The following CDH8 variants were observed in gnomAD, a reference collection of about 807,000 sequenced individuals.
The protein encoded by CDH8 is cadherin-8.
A neutral mutation model predicts 68.1 loss-of-function variants in CDH8; 17 were observed. The observed-to-expected ratio is 0.25, with a 90% CI of 0.17 to 0.37. The LOEUF is 0.37. Among genes scored for constraint, CDH8 ranks in the 10% least tolerant of loss-of-function variants. CDH8 has a pLI of 1.00. For synonymous variants in CDH8, 372 were observed against 365.1 expected, an observed-to-expected ratio of 1.02 and a Z score of -0.21; for missense variants, 763 against 999.3, an observed-to-expected ratio of 0.76 and a Z score of 3.19.
rs746822221 is a variant in CDH8 at position 61,657,249 on chromosome 16, G to A, written c.1655-1528C>T. On this transcript the variant is annotated intron_variant, in intron 10 of 11. Transcript: ENST00000577390. Reference sequence around the variant, plus strand: ...TTCAAATAAGTTTTGGAAAACTACTGTACCATATAGCACTATACTAGGATT... The same window carrying A: ...TTCAAATAAGTTTTGGAAAACTACTATACCATATAGCACTATACTAGGATT... Among the ~76,000 whole-genome samples the A allele has an allele frequency of 3.3e-5, 5 of 152,034 alleles. No homozygotes were observed. In the East Asian group the frequency reaches 9.7e-4, roughly 29 times the overall value.
At chr16:61,976,519 G>A (rs1156891215) in intron 2 of CDH8, among the ~76,000 whole-genome samples, 2 of 152,070 alleles carry the variant, frequency 1.3e-5, no homozygotes, top group South Asian at 4.1e-4. Context: ...AGGCAGAGTT[G>A]TTACCAAGCT....
At chr16:61,708,206 G>T (rs73573250) in intron 10 of CDH8, among the ~76,000 whole-genome samples, 2 of 152,186 alleles carry the variant, frequency 1.3e-5, no homozygotes, top group African/African-American at 4.8e-5. Context: ...GCTCTGTAAA[G>T]GCTGGAAATG....
intron 2 of CDH8, among the ~76,000 whole-genome samples, chr16:62,007,858 T>C (rs1901710111): frequency 6.6e-6 from 1 of 152,152 alleles, no homozygotes; most frequent in Admixed American, 6.5e-5. Flanking sequence ...GTTTTGATCC[T>C]CTGTGTTTCT....
intron 2 of CDH8, among the ~76,000 whole-genome samples, chr16:61,957,005 A>T (rs1238680148): frequency 6.6e-6 from 1 of 152,168 alleles, no homozygotes; most frequent in Non-Finnish European, 1.5e-5. Context: ...AGTATTTCCA[A>T]CTGATTTTCA....
rs1441688515 is a variant in CDH8, at chr16:61,955,370, TGTAGC to T, written c.253-53902_253-53898del. Among the ~76,000 whole-genome samples the T allele has an allele frequency of 3.3e-5, 5 of 152,336 alleles. No homozygotes were observed. The East Asian group carries it at 9.7e-4, about 29-fold the overall frequency. On this transcript the variant is annotated intron_variant, in intron 2 of 11. Coordinates refer to ENST00000577390, the MANE Select transcript of CDH8 (RefSeq NM_001796.5). Reference sequence around the variant, plus strand: ...TGTTCAAATAAAGCAAACATCAAGCTGTAGCCAATCCCGCTGTTTGTGTACATCAA... The same window carrying T: ...TGTTCAAATAAAGCAAACATCAAGCTCAATCCCGCTGTTTGTGTACATCAA...
At chr16:61,696,319 G>A (rs1181548134) in intron 10 of CDH8, among the ~76,000 whole-genome samples, 3 of 152,148 alleles carry the variant, frequency 2.0e-5, no homozygotes, top group Non-Finnish European at 4.4e-5. Flanking sequence ...GAATTAAACT[G>A]ACCCATCAGA....
At chr16:61,775,755 C>G (rs1433816510) in intron 8 of CDH8, among the ~76,000 whole-genome samples, 3 of 152,024 alleles carry the variant, frequency 2.0e-5, no homozygotes, top group Non-Finnish European at 4.4e-5. Context: ...CCAAGATTGA[C>G]TTGGCCCATA....
At chr16:61,827,706 CAA>C (rs1409941248) in intron 4 of CDH8, among the ~76,000 whole-genome samples, 1 of 151,704 alleles carries the variant, frequency 6.6e-6, no homozygotes, top group African/African-American at 2.4e-5. Context: ...TCATCAATTG[CAA>C]AAGTCTTTTT....
At chr16:61,998,339 C>T (rs1454833031) in intron 2 of CDH8, among the ~76,000 whole-genome samples, 2 of 152,122 alleles carry the variant, frequency 1.3e-5, no homozygotes, top group Non-Finnish European at 2.9e-5. Flanking sequence ...AATTAAAGCA[C>T]TTCATCAAAT....
At chr16:61,769,032 C>T (rs1441918035) in intron 8 of CDH8, among the ~76,000 whole-genome samples, 1 of 151,758 alleles carries the variant, frequency 6.6e-6, no homozygotes, top group East Asian at 1.9e-4. Flanking sequence ...TGAACACACA[C>T]ACACACAAGA....
chr16:61,822,205 C>CTT lies in CDH8; in HGVS notation c.836-1094_836-1093dup, dbSNP rs71707137. ...TGTAGTAACTGGCTCAAAAACGCAC[C>CTT]TTTTTTTTTTTTTTTTTTTTTTTTT... On this transcript the variant is annotated intron_variant, in intron 5 of 11. Coordinates refer to ENST00000577390, the MANE Select transcript of CDH8 (RefSeq NM_001796.5). Among the ~76,000 whole-genome samples, 19 of 45,628 alleles carry CTT rather than the reference C, an allele frequency of 4.2e-4. 1 individual carries two copies. Among genetic ancestry groups the CTT allele is most frequent in the African/African-American group, 7.8e-4 (7 of 8,972 alleles). The allele number at this position is 45,628 out of a possible 152,430, so 29.9% of individuals were successfully genotyped here. A position where few individuals can be genotyped will look rare whatever the true frequency, so the allele number is the denominator to read the frequency against.
chr16:61,681,115 G>T (rs1336516298), intron 10 of CDH8, among the ~76,000 whole-genome samples: 1 of 151,776 alleles, frequency 6.6e-6, no homozygotes, highest in Admixed American at 6.6e-5. Flanking sequence ...AAACACTTTG[G>T]TAGTTTCTTA....
intron 2 of CDH8, among the ~76,000 whole-genome samples, chr16:61,995,313 T>C (rs531864416): frequency 6.6e-6 from 1 of 152,186 alleles, no homozygotes; most frequent in South Asian, 2.1e-4. Context: ...GCACAAAAGA[T>C]CATCTAATTC....
intron 3 of CDH8, among the ~76,000 whole-genome samples, chr16:61,894,385 AC>A (rs1256441555): frequency 6.6e-6 from 1 of 152,110 alleles, no homozygotes; most frequent in Non-Finnish European, 1.5e-5. Flanking sequence ...TTTTACTAAA[AC>A]CCACGATATT....
chr16:61,935,894 C>T (rs1964619954), intron 2 of CDH8, among the ~76,000 whole-genome samples: 1 of 152,036 alleles, frequency 6.6e-6, no homozygotes, highest in South Asian at 2.1e-4. Context: ...GATAAATTCA[C>T]ATAGTCATAA....
At chr16:61,681,136 C>T (rs1402831191) in intron 10 of CDH8, among the ~76,000 whole-genome samples, 1 of 151,820 alleles carries the variant, frequency 6.6e-6, no homozygotes, top group Non-Finnish European at 1.5e-5. Context: ...AAATATTAAA[C>T]TTATCTTTAC....
chr16:61,989,479 G>A (rs922536644), intron 2 of CDH8, among the ~76,000 whole-genome samples: 1 of 152,158 alleles, frequency 6.6e-6, no homozygotes, highest in Non-Finnish European at 1.5e-5. Context: ...AGAAAAGGCA[G>A]AGCATCTGGG....
intron 8 of CDH8, among the ~76,000 whole-genome samples, chr16:61,740,052 C>T (rs902953442): frequency 4.0e-5 from 6 of 151,266 alleles, no homozygotes; most frequent in South Asian, 4.2e-4. Flanking sequence ...GGACTACAGG[C>T]GCATGCCACC....
intron 8 of CDH8, among the ~76,000 whole-genome samples, chr16:61,771,869 A>G (rs963232669): frequency 4.3e-4 from 65 of 152,024 alleles, no homozygotes; most frequent in African/African-American, 1.5e-3. Flanking sequence ...ACTGAAATTC[A>G]TATCTATTTG....
Sources: gnomAD v4.1 joint callset for allele counts (sites outside exome capture counted in the v4.1 genomes callset) on GRCh38, gnomAD v4.1.1 for gene constraint, MANE v1.5 for transcripts, NCBI Gene and HGNC (gene_info 2026-07-23, HGNC 2026-07-21) for gene names.